Variants in EFCC1 observed in about 807,000 individuals in gnomAD.
EFCC1 encodes the protein EF-hand and coiled-coil domain containing 1, also known as EF-hand and coiled-coil domain-containing protein 1.
A neutral mutation model predicts 52.1 loss-of-function variants in EFCC1; 50 were observed. The observed-to-expected ratio is 0.96, with a 90% CI of 0.76 to 1.21. The LOEUF is 1.21. Among genes scored for constraint, EFCC1 ranks in the 50% most tolerant of loss-of-function variants. The pLI is 0.00. For missense variants in EFCC1, 837 were observed against 867.3 expected (o/e 0.97, Z 0.44); for synonymous variants, 399 against 396.5 (o/e 1.01, Z -0.08).
At chr3:129,037,268 A>C in intron 6 of EFCC1, 151 bp downstream of exon 6, 1 of 1,185,340 alleles carries the variant, frequency 8.4e-7, no homozygotes, top group Non-Finnish European at 1.1e-6. Context: ...GCTCAGAAGA[A>C]CCAACCAAAA....
In EFCC1 at chr3:129,013,724, C is replaced by T. The variant is rs139074456; in HGVS notation, c.980+9647C>T. Reference sequence around the variant, plus strand: ...GAGTACTCTGGACCAATCACTGCCACTCTGATTAGCTAGACCTGGCTAAAA... The same window carrying T: ...GAGTACTCTGGACCAATCACTGCCATTCTGATTAGCTAGACCTGGCTAAAA... On this transcript the variant is annotated intron_variant, in intron 2 of 7. Coordinates refer to ENST00000683648, the MANE Select transcript of EFCC1 (RefSeq NM_001377500.1). 3.8e-4 allele frequency among the ~76,000 whole-genome samples: 58 copies of T among 152,374 alleles called. No individual in the cohort carries two copies. In the East Asian group the frequency reaches 0.01, roughly 27 times the overall value.
chr3:129,033,874 G>A lies in EFCC1; in HGVS notation c.1287-290G>A, dbSNP rs549738859. 2.0e-4 allele frequency among the ~76,000 whole-genome samples: 30 copies of A among 152,368 alleles called. No homozygotes were observed. The South Asian group carries it at 6.0e-3, about 30-fold the overall frequency. ...CCAGGAAGAGGGAAGAGCAAGTGCA[G>A]AGGCCCTGAGGCATGTTGGCGGGAC... On this transcript the variant is annotated intron_variant, in intron 4 of 7. Coordinates refer to ENST00000683648, the MANE Select transcript of EFCC1 (RefSeq NM_001377500.1).
intron 2 of EFCC1, among the ~76,000 whole-genome samples, chr3:129,013,967 G>C (rs1945452332): frequency 6.6e-6 from 1 of 152,190 alleles, no homozygotes; most frequent in African/African-American, 2.4e-5. Flanking sequence ...GCTCTGAGTT[G>C]GGGGTGGGGG....
intron 2 of EFCC1, among the ~76,000 whole-genome samples, chr3:129,009,610 T>C (rs1173875363): frequency 6.6e-6 from 1 of 152,192 alleles, no homozygotes; most frequent in Non-Finnish European, 1.5e-5. Flanking sequence ...GCAAGGCCCA[T>C]TGAACTCTGG....
chr3:129,005,607 G>A (rs1576702520), intron 2 of EFCC1, among the ~76,000 whole-genome samples: 3 of 152,390 alleles, frequency 2.0e-5, no homozygotes, highest in Non-Finnish European at 4.4e-5. Flanking sequence ...GCAGGAGACA[G>A]TGCAGAGCCC....
intron 5 of EFCC1, among the ~76,000 whole-genome samples, chr3:129,036,134 A>G (rs1946351587): frequency 6.6e-6 from 1 of 152,240 alleles, no homozygotes; most frequent in African/African-American, 2.4e-5. Context: ...CCATCAGGAA[A>G]TAAACTGGCA....
At chr3:129,005,038 C>T (rs1945008454) in intron 2 of EFCC1, among the ~76,000 whole-genome samples, 1 of 152,220 alleles carries the variant, frequency 6.6e-6, no homozygotes, top group South Asian at 2.1e-4. Flanking sequence ...GAGCCTCTCT[C>T]CCTTTCAAAT....
intron 2 of EFCC1, among the ~76,000 whole-genome samples, chr3:129,027,641 G>A (rs193202452): frequency 3.3e-5 from 5 of 152,270 alleles, no homozygotes; most frequent in African/African-American, 1.2e-4. Flanking sequence ...TCCACTCAGC[G>A]AGTCCATGTA....
chr3:129,009,658 C>T (rs1476220743), intron 2 of EFCC1, among the ~76,000 whole-genome samples: 3 of 152,196 alleles, frequency 2.0e-5, no homozygotes, highest in Non-Finnish European at 4.4e-5. Flanking sequence ...GGGCACTGTA[C>T]CCCAGACACA....
chr3:129,008,292 T>A lies in EFCC1; in HGVS notation c.980+4215T>A, dbSNP rs79373023. ...TGGCCTCATGCAGGGAGTCTCCTTC[T>A]GTAACTCACTATGCAAGGTCTCCTG... On this transcript the variant is annotated intron_variant, in intron 2 of 7. Coordinates refer to ENST00000683648, the MANE Select transcript of EFCC1 (RefSeq NM_001377500.1). 3.3e-4 allele frequency among the ~76,000 whole-genome samples: 51 copies of A among 152,354 alleles called. 1 individual carries two copies. In the East Asian group the frequency reaches 9.8e-3, roughly 29 times the overall value.
chr3:129,037,037 G>A lies in EFCC1; in HGVS notation c.1513G>A (p.Glu505Lys), dbSNP rs993381526. The A allele has an allele frequency of 6.2e-7, 1 of 1,613,956 alleles. No homozygotes were observed. The highest frequency in any genetic ancestry group is 8.5e-7 in the Non-Finnish European group (1 of 1,180,000). Residue 505 changes from glutamate (E) to lysine (K), a missense_variant, in exon 6 of 8, where the codon GAG becomes AAG. Coordinates refer to ENST00000683648, the MANE Select transcript of EFCC1 (RefSeq NM_001377500.1). ...CCTGAGGCTGGAGCTGCAGATGGTAGAGACCGAGAGGGTGCGGCTGTCCCT... is the reference window on the plus strand; with the variant it reads ...CCTGAGGCTGGAGCTGCAGATGGTAAAGACCGAGAGGGTGCGGCTGTCCCT... ...EHLRLELQMV[E>K]TERVRLSLLE...
chr3:129,025,881 T>C lies in EFCC1; in HGVS notation c.981-4822T>C, dbSNP rs575177957. ...GTTCTCTTCCCAGCTTCACTGCCTG[T>C]GACCTGGAGTTACCCACTGACAACG... is the stretch of plus-strand genomic sequence containing the variant. On this transcript the variant is annotated intron_variant, in intron 2 of 7. Coordinates refer to ENST00000683648, the MANE Select transcript of EFCC1 (RefSeq NM_001377500.1). 3.1e-3 allele frequency among the ~76,000 whole-genome samples: 470 copies of C among 152,362 alleles called. 1 individual carries two copies. The highest frequency in any genetic ancestry group is 4.9e-3 in the Non-Finnish European group (332 of 68,030).
chr3:129,028,445 G>A (rs1946191816), intron 2 of EFCC1, among the ~76,000 whole-genome samples: 1 of 152,128 alleles, frequency 6.6e-6, no homozygotes, highest in African/African-American at 2.4e-5. Flanking sequence ...CTCATTCTTA[G>A]ACCAAACACA....
chr3:129,002,412 A>G, intron 1 of EFCC1, 88 bp downstream of exon 1: 1 of 1,431,840 alleles, frequency 7.0e-7, no homozygotes, highest in Non-Finnish European at 9.1e-7. Context: ...GACAGGACAG[A>G]GTCAGAGGAA....
chr3:129,036,864 C>A, intron 5 of EFCC1, 113 bp from the exon 6 acceptor site: 1 of 1,525,448 alleles, frequency 6.6e-7, no homozygotes, highest in Non-Finnish European at 8.9e-7. Context: ...AGGCCACACA[C>A]TCAGCTTCTC....
Position 129,032,920 on chromosome 3 carries a change from G to A in EFCC1, c.1240G>A (p.Ala414Thr), listed in dbSNP as rs1423406298. Reference sequence around the variant, plus strand: ...GCAGGAGGAGAAGAAGACGCCGGCAGCCGAGGCCAAGACACTGCTGGCCCG... The same window carrying A: ...GCAGGAGGAGAAGAAGACGCCGGCAACCGAGGCCAAGACACTGCTGGCCCG... ...RWQEEKKTPAAEAKTLLARLS... is the reference protein window; with the variant it reads ...RWQEEKKTPATEAKTLLARLS... The change falls in exon 4 of 8, where the codon GCC becomes ACC. Residue 414 changes from alanine (A) to threonine (T), a missense_variant. Ala to Thr is a moderately conservative substitution (Grantham distance 58, BLOSUM62 0). Coordinates refer to ENST00000683648, the MANE Select transcript of EFCC1 (RefSeq NM_001377500.1). 5 of 1,550,886 alleles carry A rather than the reference G, an allele frequency of 3.2e-6. No homozygotes were observed. The highest frequency in any genetic ancestry group is 4.4e-6 in the Non-Finnish European group (5 of 1,146,824).
chr3:129,004,119 G>C (rs763562571), intron 2 of EFCC1, 42 bp downstream of exon 2: 15 of 1,440,414 alleles, frequency 1.0e-5, no homozygotes, highest in Middle Eastern at 4.9e-4. Context: ...TCCCCAATTC[G>C]GCTCCCATTT....
At chr3:129,015,258 A>C (rs1279916107) in intron 2 of EFCC1, among the ~76,000 whole-genome samples, 1 of 151,184 alleles carries the variant, frequency 6.6e-6, no homozygotes, top group East Asian at 2.0e-4. Flanking sequence ...CCCCAAGCCT[A>C]CTCCTGACCA....
chr3:129,027,239 C>A (rs956606497), intron 2 of EFCC1, among the ~76,000 whole-genome samples: 1 of 152,298 alleles, frequency 6.6e-6, no homozygotes, highest in South Asian at 2.1e-4. Flanking sequence ...CTGATGAGCA[C>A]GGGGAGGCCC....
Sources: gnomAD v4.1 joint callset for allele counts (sites outside exome capture counted in the v4.1 genomes callset) on GRCh38, gnomAD v4.1.1 for gene constraint, MANE v1.5 for transcripts, NCBI Gene and HGNC (gene_info 2026-07-23, HGNC 2026-07-21) for gene names.